The following SMG1 variants were observed in gnomAD, a reference collection of about 807,000 sequenced individuals.
The protein encoded by SMG1 is SMG1 nonsense mediated mRNA decay associated PI3K related kinase.
Under a neutral mutation model 419.9 loss-of-function variants are expected in SMG1, and 22 were observed. That is an observed-to-expected ratio of 0.05 (90% CI 0.04 to 0.07). The LOEUF is 0.07. Among genes scored for constraint, SMG1 ranks in the 10% least tolerant of loss-of-function variants. SMG1 has a pLI of 1.00. For synonymous variants in SMG1, 1,538 were observed against 1,553.5 expected, an observed-to-expected ratio of 0.99 and a Z score of 0.23; for missense variants, 3,185 against 4,342.0, an observed-to-expected ratio of 0.73 and a Z score of 7.49.
intron 39 of SMG1, 109 bp downstream of exon 39, chr16:18,845,320 G>A (rs2034195797): frequency 3.3e-6 from 3 of 919,168 alleles, no homozygotes; most frequent in Non-Finnish European, 4.8e-6. Context: ...CCTCCTATAG[G>A]CTTATAAAAT....
At chr16:18,899,078 C>G (rs1367893944) in intron 1 of SMG1, among the ~76,000 whole-genome samples, 1 of 152,126 alleles carries the variant, frequency 6.6e-6, no homozygotes. Flanking sequence ...GACCATAATA[C>G]AAAATAAACT....
chr16:18,841,854 A>C, intron 40 of SMG1, 60 bp from the exon 41 acceptor site: 1 of 1,418,340 alleles, frequency 7.1e-7, no homozygotes, highest in Non-Finnish European at 9.9e-7. Context: ...GGAGCATACC[A>C]CTCCTCTTTT....
chr16:18,833,976 T>C (rs765549086), intron 50 of SMG1, among the ~76,000 whole-genome samples: 2 of 152,210 alleles, frequency 1.3e-5, no homozygotes, highest in Non-Finnish European at 2.9e-5. Flanking sequence ...AACACTTGAC[T>C]TGATTCCAGT....
intron 26 of SMG1, 138 bp downstream of exon 26, chr16:18,860,529 T>C (rs2035158563): frequency 3.5e-6 from 2 of 564,998 alleles, no homozygotes; most frequent in South Asian, 2.0e-5. Context: ...AGGGCAGCCC[T>C]AAATTTGTTG....
Position 18,838,535 on chromosome 16 carries a change from T to G in SMG1, c.7084+16A>C, listed in dbSNP as rs2033722201. ...ACATTTGGCCCTCATAAATGTAAAG[T>G]CTACTTTTATATTACCTTTTTCAAA... On this transcript the variant is annotated intron_variant, in intron 43 of 62. Coordinates refer to ENST00000446231, the MANE Select transcript of SMG1 (RefSeq NM_015092.5). 3 of 1,613,890 alleles carry G rather than the reference T, an allele frequency of 1.9e-6. No individual in the cohort carries two copies. The highest frequency in any genetic ancestry group is 2.5e-6 in the Non-Finnish European group (3 of 1,179,798).
chr16:18,850,596 T>G lies in SMG1; in HGVS notation c.5053-129A>C, dbSNP rs543395607. 31 of 635,520 alleles carry G rather than the reference T, an allele frequency of 4.9e-5. No homozygotes were observed. In the East Asian group the frequency reaches 8.5e-4, roughly 17 times the overall value. The allele number at this position is 635,520 out of a possible 1,614,324, so 39.4% of individuals were successfully genotyped here. On this transcript the variant is annotated intron_variant, in intron 33 of 62. Coordinates refer to ENST00000446231, the MANE Select transcript of SMG1 (RefSeq NM_015092.5). Reference sequence around the variant, plus strand: ...TAAAATTATCCCACATTTAGTGTTATACACAGTAAGTCAATGTCAGTATGC... The same window carrying G: ...TAAAATTATCCCACATTTAGTGTTAGACACAGTAAGTCAATGTCAGTATGC...
Position 18,816,548 on chromosome 16 carries a change from T to A in SMG1, c.10075-19A>T. Reference sequence around the variant, plus strand: ...CAGTGTCCTAAATAGAACAAGCATTTGTTTGACTTCGAGTATCAGCTGAAA... The same window carrying A: ...CAGTGTCCTAAATAGAACAAGCATTAGTTTGACTTCGAGTATCAGCTGAAA... On this transcript the variant is annotated intron_variant, in intron 57 of 62. Coordinates refer to ENST00000446231, the MANE Select transcript of SMG1 (RefSeq NM_015092.5). 1 of 1,600,758 alleles carries A rather than the reference T, an allele frequency of 6.2e-7. No homozygotes were observed. Among genetic ancestry groups the A allele is most frequent in the South Asian group, 1.1e-5 (1 of 89,824 alleles).
chr16:18,816,266 G>C (rs2291660), intron 58 of SMG1, 36 bp downstream of exon 58: 1 of 1,488,892 alleles, frequency 6.7e-7, no homozygotes, highest in Non-Finnish European at 9.2e-7. Context: ...TTATAACAGA[G>C]GGAGAGTAAA....
At chr16:18,809,870 A>G (rs940099994) in intron 62 of SMG1, among the ~76,000 whole-genome samples, 2 of 152,144 alleles carry the variant, frequency 1.3e-5, no homozygotes, top group Non-Finnish European at 1.5e-5. Context: ...AGTTATAAAG[A>G]TATGAAAAGC....
At position 18,859,539 on chromosome 16, in the gene SMG1, C is replaced by T. The variant is rs751709753; in HGVS notation, c.3953+17G>A. 2.0e-5 allele frequency: 28 copies of T among 1,410,842 alleles called. No individual in the cohort carries two copies. The highest frequency in any genetic ancestry group is 6.9e-5 in the East Asian group (3 of 43,358). The allele number at this position is 1,410,842 out of a possible 1,614,324, so 87.4% of individuals were successfully genotyped here. A position where few individuals can be genotyped will look rare whatever the true frequency, so the allele number is the denominator to read the frequency against. On this transcript the variant is annotated intron_variant, in intron 27 of 62. Transcript: ENST00000446231. ...GATATACACAATGTACATTTACCTC[C>T]GTAAGAGTAAACTTACTCAGTTATA... is the stretch of plus-strand genomic sequence containing the variant.
Position 18,850,136 on chromosome 16 carries a change from A to G in SMG1, c.5284-10T>C. The G allele has an allele frequency of 1.9e-6, 3 of 1,608,404 alleles. No homozygotes were observed. The highest frequency in any genetic ancestry group is 2.5e-6 in the Non-Finnish European group (3 of 1,177,012). On this transcript the variant is annotated splice_polypyrimidine_tract_variant and intron_variant, in intron 34 of 62. Transcript: ENST00000446231. ...CCTCATCTAAAGGAATCTAAGAGTG[A>G]AAGATGAGGGGAATAAATAAGAAAA...
In SMG1 at chr16:18,863,630, C is replaced by T. The variant is rs777168958; in HGVS notation, c.3695+20G>A. On this transcript the variant is annotated intron_variant, in intron 25 of 62. Transcript: ENST00000446231. ...TAGTTATTGGAAATTTGTTTTATAA[C>T]TGGAAAAAGTAAGCCTTACTTTATA... The T allele has an allele frequency of 1.2e-4, 196 of 1,589,612 alleles. No homozygotes were observed. The highest frequency in any genetic ancestry group is 1.5e-4 in the Non-Finnish European group (181 of 1,173,796).
At chr16:18,918,117 G>A (rs1364548898) in intron 1 of SMG1, among the ~76,000 whole-genome samples, 4 of 151,728 alleles carry the variant, frequency 2.6e-5, no homozygotes, top group Non-Finnish European at 4.4e-5. Flanking sequence ...AAGATTAGCC[G>A]GGTGTGGTGG....
Position 18,872,262 on chromosome 16 carries a change from G to A in SMG1, c.2105C>T (p.Ala702Val). Reference protein sequence around the residue: ...DGAVISTVTTATKKHFSIILN... With the variant: ...DGAVISTVTTVTKKHFSIILN... ...TATAATTGAGAAATGTTTCTTTGTA[G>A]CCGTAGTTACAGTGCTAATCACAGC... The change falls in exon 15 of 63, where the codon GCT becomes GTT. Residue 702 changes from alanine to valine, a missense_variant. Ala to Val is a moderately conservative substitution (Grantham distance 64, BLOSUM62 0). Around this residue, in one of 27 missense-constraint regions of SMG1, gnomAD observed 297 missense variants for 491.0 expected, o/e 0.60. Transcript: ENST00000446231. 1.3e-6 allele frequency: 2 copies of A among 1,593,988 alleles called. No homozygotes were observed. Among genetic ancestry groups the A allele is most frequent in the Non-Finnish European group, 1.7e-6 (2 of 1,166,702 alleles).
chr16:18,904,313 G>C (rs2037470146), intron 1 of SMG1, among the ~76,000 whole-genome samples: 1 of 150,374 alleles, frequency 6.7e-6, no homozygotes, highest in Admixed American at 6.6e-5. Flanking sequence ...ACTCTCAAAA[G>C]TCTTACTTTA....
At chr16:18,882,756 C>T (rs1326968917) in intron 9 of SMG1, among the ~76,000 whole-genome samples, 2 of 152,084 alleles carry the variant, frequency 1.3e-5, no homozygotes, top group African/African-American at 4.8e-5. Flanking sequence ...AGAGCATGCA[C>T]ATGAAGAGCA....
intron 6 of SMG1, among the ~76,000 whole-genome samples, chr16:18,887,022 A>G (rs1275402313): frequency 6.6e-6 from 1 of 152,220 alleles, no homozygotes; most frequent in African/African-American, 2.4e-5. Context: ...GATGCATACT[A>G]AAACATTATG....
At chr16:18,867,994 C>G (rs2035616516) in intron 22 of SMG1, among the ~76,000 whole-genome samples, 196 bp downstream of exon 22, 1 of 152,120 alleles carries the variant, frequency 6.6e-6, no homozygotes, top group African/African-American at 2.4e-5. Context: ...AGGCGTGAGC[C>G]ACCGCGCCCG....
At chr16:18,829,789 A>C (rs765279766) in intron 53 of SMG1, 34 bp from the exon 54 acceptor site, 33 of 1,558,416 alleles carry the variant, frequency 2.1e-5, no homozygotes, top group Non-Finnish European at 2.7e-5. Context: ...TATTTCATGA[A>C]AAAAATCAGG....
Sources: gnomAD v4.1 joint callset for allele counts (sites outside exome capture counted in the v4.1 genomes callset) on GRCh38, gnomAD v4.1.1 for gene constraint, gnomAD v4.1.1 regional missense constraint, MANE v1.5 for transcripts, NCBI Gene and HGNC (gene_info 2026-07-23, HGNC 2026-07-21) for gene names.